DAB2: variants seen among roughly 807,000 people sequenced by gnomAD.
DAB2 encodes DAB adaptor protein 2.
Under a neutral mutation model 71.6 loss-of-function variants are expected in DAB2, and 28 were observed. The ratio of observed to expected loss-of-function variants is 0.39; its 90% CI spans 0.29 to 0.54. The LOEUF (loss-of-function observed/expected upper bound fraction) is 0.54, where lower values mean the gene tolerates loss of function less well. Ranked by LOEUF, DAB2 falls within the 20% of genes least tolerant of loss-of-function variation. The pLI, the probability that DAB2 is intolerant of heterozygous loss-of-function variation, is 0.68. For missense variants in DAB2, 867 were observed against 928.8 expected, an observed-to-expected ratio of 0.93 and a Z score of 0.86; for synonymous variants, 345 against 339.7, an observed-to-expected ratio of 1.02 and a Z score of -0.17.
chr5:39,410,922 A>G (rs570821061), intron 1 of DAB2, among the ~76,000 whole-genome samples: 1 of 152,280 alleles, frequency 6.6e-6, no homozygotes, highest in Non-Finnish European at 1.5e-5. Context: ...CCTAGCCCTC[A>G]GTGTCACACA....
At chr5:39,403,489 G>C (rs954586986) in intron 1 of DAB2, among the ~76,000 whole-genome samples, 3 of 152,130 alleles carry the variant, frequency 2.0e-5, no homozygotes, top group African/African-American at 7.2e-5. Context: ...GTATTTTATA[G>C]ATGTTTTCTG....
At chr5:39,407,057 C>T (rs1343717590) in intron 1 of DAB2, among the ~76,000 whole-genome samples, 1 of 152,168 alleles carries the variant, frequency 6.6e-6, no homozygotes, top group African/African-American at 2.4e-5. Context: ...TCAGAGGCAA[C>T]GCACTCACAC....
chr5:39,377,576 A>G (rs1754863148), intron 11 of DAB2, among the ~76,000 whole-genome samples: 1 of 152,216 alleles, frequency 6.6e-6, no homozygotes, highest in Non-Finnish European at 1.5e-5. Flanking sequence ...CTCATCAAAA[A>G]AATAAGCCCT....
At chr5:39,383,987 T>C (rs1755040616) in intron 9 of DAB2, among the ~76,000 whole-genome samples, 1 of 152,164 alleles carries the variant, frequency 6.6e-6, no homozygotes, top group South Asian at 2.1e-4. Flanking sequence ...ATCATCCCAG[T>C]CTCTCCTCTG....
intron 7 of DAB2, 46 bp from the exon 8 acceptor site, chr5:39,388,898 T>A: frequency 6.5e-7 from 1 of 1,530,096 alleles, no homozygotes. Context: ...GCTTTGTCTA[T>A]AAAATGTATT....
At chr5:39,389,310 T>G (rs555709947) in intron 6 of DAB2, among the ~76,000 whole-genome samples, 187 bp from the exon 7 acceptor site, 38 of 152,248 alleles carry the variant, frequency 2.5e-4, no homozygotes, top group African/African-American at 8.7e-4. Flanking sequence ...GGATTTAAAC[T>G]TGGTTGTCCT....
rs1043736142 is a variant in DAB2, at chr5:39,393,455, T to C, written c.92-62A>G. ...GTTCTAATTATGACCAAATATGCTC[T>C]AGACTCTCCAAAATTTAAGTAATAT... On this transcript the variant is annotated intron_variant, in intron 2 of 14. Transcript: ENST00000320816. 3.9e-5 allele frequency: 59 copies of C among 1,530,440 alleles called. No individual in the cohort carries two copies. In the East Asian group the frequency reaches 1.2e-3, roughly 31 times the overall value. 94.8% of individuals were successfully genotyped at this position (1,530,440 alleles called of 1,614,324 possible). A position where few individuals can be genotyped will look rare whatever the true frequency, so the allele number is the denominator to read the frequency against.
At chr5:39,395,509 A>G (rs532386253) in intron 1 of DAB2, among the ~76,000 whole-genome samples, 2 of 152,368 alleles carry the variant, frequency 1.3e-5, no homozygotes, top group South Asian at 4.1e-4. Context: ...ATAAAAAGTA[A>G]GTCTCAAGTT....
intron 4 of DAB2, 142 bp downstream of exon 4, chr5:39,392,223 C>T (rs1755246486): frequency 2.9e-6 from 2 of 683,976 alleles, no homozygotes; most frequent in African/African-American, 1.8e-5. Flanking sequence ...TGTTTTCTGC[C>T]TGTTACTTCT....
chr5:39,382,825 T>C lies in DAB2; in HGVS notation c.1134A>G (p.Gln378=). The stretch of plus-strand genomic sequence containing the variant: ...TCTGTTCTCTTTCAGATACCCCATT[T>C]TGAGTTCTCACTGCTGGCTGGGTTT... ...SSQTQPAVRT[Q]NGVSEREQNG... is the part of the protein sequence containing the mutation. The change falls in exon 10 of 15, where the codon CAA becomes CAG. Residue 378 remains glutamine (Q), a synonymous_variant. Coordinates refer to ENST00000320816, the MANE Select transcript of DAB2 (RefSeq NM_001343.4). 1 of 1,614,190 alleles carries C rather than the reference T, an allele frequency of 6.2e-7. No individual in the cohort carries two copies. Among genetic ancestry groups the C allele is most frequent in the South Asian group, 1.1e-5 (1 of 91,080 alleles).
chr5:39,395,937 C>CT (rs3024228), intron 1 of DAB2, among the ~76,000 whole-genome samples: 2,820 of 74,396 alleles, frequency 0.038, 560 homozygotes, highest in Non-Finnish European at 0.056. Flanking sequence ...CACAGATATT[C>CT]TTTTTTTTTT....
intron 2 of DAB2, 133 bp from the exon 3 acceptor site, chr5:39,393,526 C>G (rs1173841276): frequency 1.1e-6 from 1 of 892,174 alleles, no homozygotes; most frequent in Non-Finnish European, 1.7e-6. Context: ...ATATTCTGTC[C>G]TGTCTTATTC....
At chr5:39,395,290 C>T (rs922460461) in intron 1 of DAB2, among the ~76,000 whole-genome samples, 1 of 152,106 alleles carries the variant, frequency 6.6e-6, no homozygotes, top group Non-Finnish European at 1.5e-5. Context: ...TGACTGATGA[C>T]CAAAGGCAAA....
In DAB2 at chr5:39,392,368, A is replaced by G; in HGVS notation, c.327T>C (p.Thr109=). The change falls in exon 4 of 15, where the codon ACT becomes ACC. Residue 109 remains threonine, a synonymous_variant. Coordinates refer to ENST00000320816, the MANE Select transcript of DAB2 (RefSeq NM_001343.4). Reference sequence around the variant, plus strand: ...ATCAGCAAATGTGAATTCTTACCCCAGTTTTCTCATCAATTATTTTTATCC... The same window carrying G: ...ATCAGCAAATGTGAATTCTTACCCCGGTTTTCTCATCAATTATTTTTATCC... ...LSGIKIIDEK[T]GVIEHEHPVN... The G allele has an allele frequency of 6.2e-7, 1 of 1,611,928 alleles. No individual in the cohort carries two copies. The highest frequency in any genetic ancestry group is 8.5e-7 in the Non-Finnish European group (1 of 1,178,030).
At chr5:39,383,328 T>TG (rs776286616) in intron 9 of DAB2, 57 bp from the exon 10 acceptor site, 20 of 1,324,410 alleles carry the variant, frequency 1.5e-5, no homozygotes, top group Middle Eastern at 1.9e-4. Flanking sequence ...TGACTTCAAA[T>TG]GAGAAAATTA....
chr5:39,397,798 C>T (rs1312028852), intron 1 of DAB2, among the ~76,000 whole-genome samples: 1 of 152,110 alleles, frequency 6.6e-6, no homozygotes, highest in East Asian at 1.9e-4. Context: ...ATTATTTTGG[C>T]TTTCAAGGCT....
rs370475963 is a variant in DAB2, at chr5:39,375,007, T to C, written c.*5+7A>G. The C allele has an allele frequency of 2.6e-5, 42 of 1,588,572 alleles. No individual in the cohort carries two copies. Among genetic ancestry groups the C allele is most frequent in the Non-Finnish European group, 3.4e-5 (39 of 1,157,914 alleles). On this transcript the variant is annotated splice_region_variant and intron_variant, in intron 14 of 14. Coordinates refer to ENST00000320816, the MANE Select transcript of DAB2 (RefSeq NM_001343.4). ...CTGAGACAGGCTTATTAGGATCTTCTACTTACAGAATTTAGGCAAAAGGAT... is the reference window on the plus strand; with the variant it reads ...CTGAGACAGGCTTATTAGGATCTTCCACTTACAGAATTTAGGCAAAAGGAT...
At chr5:39,424,713 CGGGG>C in intron 1 of DAB2, 87 bp downstream of exon 1, 1 of 40,812 alleles carries the variant, frequency 2.5e-5, no homozygotes, top group East Asian at 7.1e-4. Context: ...TAGCGGGGGG[CGGGG>C]GGGTGAGAGA....
intron 1 of DAB2, among the ~76,000 whole-genome samples, chr5:39,401,061 A>G (rs1280104957): frequency 6.6e-6 from 1 of 152,188 alleles, no homozygotes. Flanking sequence ...ACTGTTTCTG[A>G]TACTTTATGC....
Sources: allele counts gnomAD v4.1 joint callset (sites outside exome capture counted in the v4.1 genomes callset), GRCh38; gene constraint gnomAD v4.1.1; transcripts MANE v1.5; gene names NCBI Gene and HGNC (gene_info 2026-07-23, HGNC 2026-07-21).